The following TOGARAM1 variants were observed in gnomAD, a reference collection of about 807,000 sequenced individuals.
TOGARAM1 encodes TOG array regulator of axonemal microtubules 1, also known as TOG array regulator of axonemal microtubules protein 1.
Under a neutral mutation model 166.6 loss-of-function variants are expected in TOGARAM1, and 100 were observed. The observed-to-expected ratio is 0.60, with a 90% CI of 0.51 to 0.71. The LOEUF is 0.71. Among genes scored for constraint, TOGARAM1 ranks in the 30% least tolerant of loss-of-function variants. The pLI is 0.00. For synonymous variants in TOGARAM1, 758 were observed against 763.8 expected, an observed-to-expected ratio of 0.99 and a Z score of 0.13; for missense variants, 2,029 against 2,102.7, an observed-to-expected ratio of 0.96 and a Z score of 0.69.
At chr14:45,056,886 C>T (rs146179384) in intron 16 of TOGARAM1, among the ~76,000 whole-genome samples, 1 of 152,204 alleles carries the variant, frequency 6.6e-6, no homozygotes, top group African/African-American at 2.4e-5. Context: ...TAATTTAGGG[C>T]AGATTCCCCC....
intron 1 of TOGARAM1, among the ~76,000 whole-genome samples, chr14:44,975,014 T>A (rs1886102710): frequency 6.6e-6 from 1 of 152,290 alleles, no homozygotes; most frequent in South Asian, 2.1e-4. Flanking sequence ...AATTTTATGG[T>A]TGGCTCTCCC....
intron 1 of TOGARAM1, among the ~76,000 whole-genome samples, chr14:44,983,659 A>G (rs944680873): frequency 1.3e-5 from 2 of 152,232 alleles, no homozygotes; most frequent in Non-Finnish European, 2.9e-5. Context: ...AACAAATTTG[A>G]TAAGAAATTA....
At chr14:44,978,301 GTT>G (rs1464322610) in intron 1 of TOGARAM1, 1 of 151,944 alleles carries the variant, frequency 6.6e-6, no homozygotes, top group East Asian at 1.9e-4. Context: ...ACAGTTGGCT[GTT>G]TGGAAAAAGA....
chr14:45,018,480 G>A (rs938025564), intron 7 of TOGARAM1, among the ~76,000 whole-genome samples: 4 of 152,174 alleles, frequency 2.6e-5, no homozygotes. Context: ...CTGGCCTCAA[G>A]TGATCTACCT....
At chr14:44,984,679 G>T (rs975037161) in intron 1 of TOGARAM1, among the ~76,000 whole-genome samples, 7 of 151,808 alleles carry the variant, frequency 4.6e-5, no homozygotes, top group African/African-American at 1.7e-4. Context: ...GGAAGCTGAC[G>T]TAGAAGGATC....
chr14:45,006,018 T>C lies in TOGARAM1; in HGVS notation c.2655T>C (p.Ser885=). The change falls in exon 5 of 20, where the codon TCT becomes TCC. Residue 885 remains serine (S), a synonymous_variant. Transcript: ENST00000361462. The part of the protein sequence containing the change: ...DPTGRNHGEN[S]QEKPPVQLTP... ...CTATTTTTCATGCAGGAGAAAATTC[T>C]CAAGAAAAACCTCCAGTTCAGCTTA... The C allele has an allele frequency of 1.9e-6, 3 of 1,545,718 alleles. No homozygotes were observed. Among genetic ancestry groups the C allele is most frequent in the Non-Finnish European group, 2.6e-6 (3 of 1,147,422 alleles).
At chr14:44,976,917 C>T (rs1198749715) in intron 1 of TOGARAM1, among the ~76,000 whole-genome samples, 1 of 152,172 alleles carries the variant, frequency 6.6e-6, no homozygotes, top group Non-Finnish European at 1.5e-5. Context: ...GGTTTACTAG[C>T]TCTCTACTTC....
intron 9 of TOGARAM1, 38 bp downstream of exon 9, chr14:45,027,512 T>G: frequency 6.7e-7 from 1 of 1,497,076 alleles, no homozygotes; most frequent in Non-Finnish European, 9.1e-7. Flanking sequence ...AAATTTAAGC[T>G]TACAGTATGT....
At chr14:44,978,529 G>A (rs1239587889) in intron 1 of TOGARAM1, among the ~76,000 whole-genome samples, 3 of 152,136 alleles carry the variant, frequency 2.0e-5, no homozygotes, top group Non-Finnish European at 4.4e-5. Flanking sequence ...TCAAAACCAG[G>A]AGCAGTGGCA....
chr14:44,962,371 C>A lies in TOGARAM1; in HGVS notation c.-51C>A. On this transcript the variant is annotated 5_prime_UTR_variant, in exon 1 of 20. Coordinates refer to ENST00000361462, the MANE Select transcript of TOGARAM1 (RefSeq NM_001308120.2). Reference sequence around the variant, plus strand: ...CTGGAAGTCTGGGCTCCATCGAGCCCTTTGGAGACGGCAATGGTTTCTTCC... The same window carrying A: ...CTGGAAGTCTGGGCTCCATCGAGCCATTTGGAGACGGCAATGGTTTCTTCC... The A allele has an allele frequency of 6.7e-7, 1 of 1,501,390 alleles. No individual in the cohort carries two copies. The highest frequency in any genetic ancestry group is 1.3e-5 in the South Asian group (1 of 74,202). 93.0% of individuals were successfully genotyped at this position (1,501,390 alleles called of 1,614,324 possible). A position where few individuals can be genotyped will look rare whatever the true frequency, so the allele number is the denominator to read the frequency against.
At chr14:45,057,548 T>C (rs1882699389) in intron 16 of TOGARAM1, among the ~76,000 whole-genome samples, 1 of 152,188 alleles carries the variant, frequency 6.6e-6, no homozygotes, top group Admixed American at 6.5e-5. Context: ...TGCCTCAGCC[T>C]CACGAAGTGC....
intron 11 of TOGARAM1, among the ~76,000 whole-genome samples, chr14:45,041,347 G>A (rs138807085): frequency 0.011 from 1,614 of 152,246 alleles, 15 homozygotes; most frequent in Non-Finnish European, 0.013. Context: ...GTTGCAGTGA[G>A]CTGAGATCAC....
intron 7 of TOGARAM1, among the ~76,000 whole-genome samples, chr14:45,023,660 T>C (rs1880656228): frequency 6.6e-6 from 1 of 152,160 alleles, no homozygotes; most frequent in Admixed American, 6.5e-5. Flanking sequence ...CTGTGACATA[T>C]AAAGAAAAGT....
intron 1 of TOGARAM1, among the ~76,000 whole-genome samples, chr14:44,990,573 G>A (rs1377120042): frequency 6.6e-6 from 1 of 152,162 alleles, no homozygotes. Context: ...TCACACACTA[G>A]TTATTTTGCA....
At chr14:44,985,652 A>G (rs1242177736) in intron 1 of TOGARAM1, among the ~76,000 whole-genome samples, 2 of 152,218 alleles carry the variant, frequency 1.3e-5, no homozygotes, top group Non-Finnish European at 2.9e-5. Context: ...GAGCTACTGT[A>G]AATACATTTG....
chr14:44,982,656 T>C (rs1886595939), intron 1 of TOGARAM1, among the ~76,000 whole-genome samples: 2 of 152,210 alleles, frequency 1.3e-5, no homozygotes, highest in South Asian at 4.1e-4. Flanking sequence ...TAAAAGTTTA[T>C]GAGGTGAATT....
At chr14:45,068,112 C>T (rs916904909) in intron 17 of TOGARAM1, among the ~76,000 whole-genome samples, 5 of 152,108 alleles carry the variant, frequency 3.3e-5, no homozygotes, top group Admixed American at 1.3e-4. Flanking sequence ...TTCCAGAAAA[C>T]AAGATGTTTA....
At position 45,045,541 on chromosome 14, in the gene TOGARAM1, G is replaced by GTA. The variant is rs1404316560; in HGVS notation, c.4154+672_4154+673insAT. On this transcript the variant is annotated intron_variant, in intron 13 of 19. Transcript: ENST00000361462. ...CAGAGTAGTATTCCATGGTCTGTGT[G>GTA]TGTATATATATATATATATATATAT... is the stretch of plus-strand genomic sequence containing the variant. Among the ~76,000 whole-genome samples, 196 of 50,204 alleles carry GTA rather than the reference G, an allele frequency of 3.9e-3. 6 individuals are homozygous for GTA. Among genetic ancestry groups the GTA allele is most frequent in the African/African-American group, 4.4e-3 (41 of 9,386 alleles). 32.9% of individuals were successfully genotyped at this position (50,204 alleles called of 152,430 possible).
At chr14:44,979,915 AG>A (rs377100144) in intron 1 of TOGARAM1, among the ~76,000 whole-genome samples, 1 of 152,308 alleles carries the variant, frequency 6.6e-6, no homozygotes, top group African/African-American at 2.4e-5. Flanking sequence ...GCATGATACA[AG>A]AGTGTGCTTA....
Sources: gnomAD v4.1 joint callset for allele counts (sites outside exome capture counted in the v4.1 genomes callset) on GRCh38, gnomAD v4.1.1 for gene constraint, MANE v1.5 for transcripts, NCBI Gene and HGNC (gene_info 2026-07-23, HGNC 2026-07-21) for gene names.